The following RPA1 variants were observed in gnomAD, a reference collection of about 807,000 sequenced individuals.
RPA1 encodes replication protein A1, also known as replication protein A 70 kDa DNA-binding subunit.
A neutral mutation model predicts 83.0 loss-of-function variants in RPA1; 49 were observed. The observed-to-expected ratio is 0.59, with a 90% CI of 0.47 to 0.75. The LOEUF (loss-of-function observed/expected upper bound fraction) is 0.75. Ranked by LOEUF, RPA1 falls within the 30% of genes least tolerant of loss-of-function variation. The probability of loss-of-function intolerance (pLI) is 0.00; values close to 1 mark genes in which losing one functional copy is unlikely to be tolerated. For synonymous variants in RPA1, 279 were observed against 281.8 expected (o/e 0.99, Z 0.10); for missense variants, 693 against 776.1 (o/e 0.89, Z 1.27).
In RPA1 at chr17:1,897,207, A is replaced by G; in HGVS notation, c.*32A>G. 6.8e-7 allele frequency: 1 copy of G among 1,475,396 alleles called. No individual in the cohort carries two copies. 91.4% of individuals were successfully genotyped at this position (1,475,396 alleles called of 1,614,324 possible). A position where few individuals can be genotyped will look rare whatever the true frequency, so the allele number is the denominator to read the frequency against. On this transcript the variant is annotated 3_prime_UTR_variant, in exon 17 of 17. Coordinates refer to ENST00000254719, the MANE Select transcript of RPA1 (RefSeq NM_002945.5). ...CAGTGCCAATCGGGCAGAAGTTTGC[A>G]AATAGGCAGAATGGAATCGATTTCC...
intron 1 of RPA1, among the ~76,000 whole-genome samples, chr17:1,830,359 CTAAAT>C (rs1911495111): frequency 6.6e-6 from 1 of 152,220 alleles, no homozygotes; most frequent in African/African-American, 2.4e-5. Context: ...TAAGAACAAA[CTAAAT>C]AAACGCTTGC....
At chr17:1,839,395 G>A (rs12950519) in intron 1 of RPA1, among the ~76,000 whole-genome samples, 33,960 of 149,982 alleles carry the variant, frequency 0.23, 4,135 homozygotes, top group East Asian at 0.41. Flanking sequence ...GTGAGATCTC[G>A]GCTCACTGCA....
At chr17:1,860,960 A>G (rs1362994903) in intron 5 of RPA1, among the ~76,000 whole-genome samples, 5 of 152,284 alleles carry the variant, frequency 3.3e-5, no homozygotes, top group African/African-American at 1.2e-4. Context: ...GTTATTCCCA[A>G]TACTGAATCG....
At chr17:1,842,903 G>T in intron 2 of RPA1, 50 bp downstream of exon 2, 2 of 1,573,168 alleles carry the variant, frequency 1.3e-6, no homozygotes, top group South Asian at 1.1e-5. Context: ...TGGAGTCATC[G>T]AATTACAAGT....
At chr17:1,840,289 C>T (rs911706212) in intron 1 of RPA1, among the ~76,000 whole-genome samples, 2 of 151,842 alleles carry the variant, frequency 1.3e-5, no homozygotes, top group Admixed American at 6.6e-5. Context: ...CACCACATAC[C>T]TGGCTAATTT....
At chr17:1,873,869 TGTAGTCC>T (rs1348750635) in intron 6 of RPA1, among the ~76,000 whole-genome samples, 1 of 151,452 alleles carries the variant, frequency 6.6e-6, no homozygotes. Context: ...GGTGTGCACC[TGTAGTCC>T]CAGCTACTCG....
chr17:1,842,940 T>G, intron 2 of RPA1, 87 bp downstream of exon 2: 1 of 1,445,972 alleles, frequency 6.9e-7, no homozygotes, highest in Non-Finnish European at 9.7e-7. Flanking sequence ...CAGACAGATT[T>G]GTCCACTTTC....
chr17:1,860,616 TTTTGGGACATACAGAGCACAATGACAGTA>T lies in RPA1; in HGVS notation c.361+7432_361+7460del, dbSNP rs372378443. ...AAACTCATCTACATCTCTGCTTAAT[TTTTGGGACATACAGAGCACAATGACAGTA>T]TTTGTTGTAAGGTCCTTGTCTGTGG... is the stretch of plus-strand genomic sequence containing the variant. On this transcript the variant is annotated intron_variant, in intron 5 of 16. Transcript: ENST00000254719. 8.0e-3 allele frequency among the ~76,000 whole-genome samples: 1,214 copies of T among 152,254 alleles called. 16 individuals are homozygous for T. Among genetic ancestry groups the T allele is most frequent in the African/African-American group, 0.027 (1,115 of 41,538 alleles).
chr17:1,888,047 A>C (rs776316749), intron 13 of RPA1, among the ~76,000 whole-genome samples: 2 of 152,228 alleles, frequency 1.3e-5, no homozygotes, highest in Non-Finnish European at 2.9e-5. Flanking sequence ...AAAATGCCGT[A>C]TCTGTCAAGT....
intron 2 of RPA1, among the ~76,000 whole-genome samples, 163 bp downstream of exon 2, chr17:1,843,016 C>T (rs1043466920): frequency 6.6e-6 from 1 of 152,054 alleles, no homozygotes; most frequent in Non-Finnish European, 1.5e-5. Flanking sequence ...AGCAGCCAGG[C>T]TTTTTGAAAA....
chr17:1,867,536 G>T (rs907344610), intron 5 of RPA1, among the ~76,000 whole-genome samples: 2 of 151,908 alleles, frequency 1.3e-5, no homozygotes, highest in East Asian at 3.9e-4. Context: ...GTGAGACCCT[G>T]TCTCTACAGA....
intron 1 of RPA1, among the ~76,000 whole-genome samples, chr17:1,840,288 C>A (rs983275647): frequency 6.6e-6 from 1 of 151,730 alleles, no homozygotes; most frequent in Non-Finnish European, 1.5e-5. Flanking sequence ...GCACCACATA[C>A]CTGGCTAATT....
rs1440835891 is a variant in RPA1 at position 1,853,187 on chromosome 17, A to C, written c.359A>C (p.Glu120Ala). Residue 120 changes from glutamate to alanine, a missense_variant and splice_region_variant, in exon 5 of 17, where the codon GAA becomes GCA. By Grantham distance (107) the Glu-to-Ala change is moderately radical (BLOSUM62 -1). Transcript: ENST00000254719. ...VKIGNPVPYN[E>A]GLGQPQVAPP... ...ATTGGCAATCCAGTGCCCTATAATG[A>C]AGGTAAAATGCTTTGGCGTAGGTTG... is the stretch of plus-strand genomic sequence containing the variant. 1.2e-6 allele frequency: 2 copies of C among 1,613,300 alleles called. No individual in the cohort carries two copies. The highest frequency in any genetic ancestry group is 3.3e-5 in the Admixed American group (2 of 60,006).
intron 5 of RPA1, among the ~76,000 whole-genome samples, chr17:1,861,105 C>T (rs1912944218): frequency 6.6e-6 from 1 of 152,142 alleles, no homozygotes; most frequent in Non-Finnish European, 1.5e-5. Context: ...TGATTCTCAC[C>T]CTGGCCTCAG....
rs184403268 is a variant in RPA1 at position 1,879,458 on chromosome 17, G to A, written c.952+51G>A. Reference sequence around the variant, plus strand: ...GCAGGGATGACTAGCTTTCTTTGCAGTGTACGGGGTGGTGTCAGGCTTCAG... The same window carrying A: ...GCAGGGATGACTAGCTTTCTTTGCAATGTACGGGGTGGTGTCAGGCTTCAG... On this transcript the variant is annotated intron_variant, in intron 10 of 16. Transcript: ENST00000254719. The A allele has an allele frequency of 8.1e-6, 13 of 1,609,454 alleles. No homozygotes were observed. In the Admixed American group the frequency reaches 2.0e-4, roughly 25 times the overall value.
At chr17:1,857,279 T>C (rs1307114430) in intron 5 of RPA1, among the ~76,000 whole-genome samples, 2 of 150,948 alleles carry the variant, frequency 1.3e-5, no homozygotes, top group Non-Finnish European at 2.9e-5. Context: ...TTTTTTTTTT[T>C]CAAAGATAAA....
chr17:1,860,317 CT>C (rs1912900672), intron 5 of RPA1, among the ~76,000 whole-genome samples: 1 of 152,058 alleles, frequency 6.6e-6, no homozygotes, highest in South Asian at 2.1e-4. Flanking sequence ...CGGCTCATTT[CT>C]TTTCTTTTTA....
At chr17:1,893,161 G>C (rs17339208) in intron 15 of RPA1, among the ~76,000 whole-genome samples, 1 of 152,198 alleles carries the variant, frequency 6.6e-6, no homozygotes, top group Non-Finnish European at 1.5e-5. Context: ...GAAATAACTA[G>C]AATTGACTTT....
At position 1,858,825 on chromosome 17, in the gene RPA1, A is replaced by T. The variant is rs147606390; in HGVS notation, c.361+5636A>T. 7.3e-3 allele frequency among the ~76,000 whole-genome samples: 1,115 copies of T among 152,016 alleles called. 9 individuals are homozygous for T. Among genetic ancestry groups the T allele is most frequent in the Middle Eastern group, 0.041 (12 of 294 alleles). On this transcript the variant is annotated intron_variant, in intron 5 of 16. Transcript: ENST00000254719. ...TCTAATTTAATTCTAGTATGATCAA[A>T]CAACATACTTTGTATGACTTGAATC... is the stretch of plus-strand genomic sequence containing the variant.
Sources: gnomAD v4.1 joint callset for allele counts (sites outside exome capture counted in the v4.1 genomes callset) on GRCh38, gnomAD v4.1.1 for gene constraint, MANE v1.5 for transcripts, NCBI Gene and HGNC (gene_info 2026-07-23, HGNC 2026-07-21) for gene names.